LRCH1: variants seen among roughly 807,000 people sequenced by gnomAD.
LRCH1 encodes leucine rich repeats and calponin homology domain containing 1, also known as leucine-rich repeat and calponin homology domain-containing protein 1.
Under a neutral mutation model 94.9 loss-of-function variants are expected in LRCH1, and 23 were observed. The ratio of observed to expected loss-of-function variants is 0.24; its 90% CI spans 0.17 to 0.34. The LOEUF (loss-of-function observed/expected upper bound fraction) is 0.34. LRCH1 is among the 10% of genes least tolerant of loss of function. The pLI is 1.00. For synonymous variants in LRCH1, 364 were observed against 354.9 expected (o/e 1.03, Z -0.29); for missense variants, 790 against 945.9 (o/e 0.84, Z 2.16).
chr13:46,723,661 G>A (rs7988835), intron 17 of LRCH1, among the ~76,000 whole-genome samples: 35,697 of 152,014 alleles, frequency 0.23, 4,342 homozygotes, highest in African/African-American at 0.3. Flanking sequence ...TTAGCTGGGC[G>A]TGGTGGCGTA....
chr13:46,677,310 T>A (rs1044256708), intron 3 of LRCH1, among the ~76,000 whole-genome samples: 1 of 145,652 alleles, frequency 6.9e-6, no homozygotes, highest in Admixed American at 6.8e-5. Flanking sequence ...ACACCTGTAA[T>A]CTCAGCTACC....
At chr13:46,687,622 C>G (rs1870690350) in intron 5 of LRCH1, among the ~76,000 whole-genome samples, 1 of 151,940 alleles carries the variant, frequency 6.6e-6, no homozygotes, top group African/African-American at 2.4e-5. Context: ...TAGTTTAATG[C>G]AAGAAAAAAT....
chr13:46,656,328 T>G (rs1438451051), intron 2 of LRCH1, among the ~76,000 whole-genome samples: 1 of 152,224 alleles, frequency 6.6e-6, no homozygotes, highest in Non-Finnish European at 1.5e-5. Context: ...AGGCTAGTGT[T>G]TCTTCTCTCT....
At chr13:46,644,800 A>G (rs1425774174) in intron 1 of LRCH1, among the ~76,000 whole-genome samples, 1 of 152,270 alleles carries the variant, frequency 6.6e-6, no homozygotes, top group Non-Finnish European at 1.5e-5. Context: ...TTATGAATGT[A>G]TAATGTGTAG....
At chr13:46,629,217 C>T (rs1224330162) in intron 1 of LRCH1, among the ~76,000 whole-genome samples, 1 of 152,252 alleles carries the variant, frequency 6.6e-6, no homozygotes, top group East Asian at 1.9e-4. Context: ...AGCATAGAGG[C>T]CTCTGTGGGG....
At chr13:46,659,775 G>A (rs1368784976) in intron 2 of LRCH1, among the ~76,000 whole-genome samples, 1 of 152,000 alleles carries the variant, frequency 6.6e-6, no homozygotes. Flanking sequence ...TGATCTTCAG[G>A]GAATTTAAGT....
At chr13:46,592,601 G>T (rs909020017) in intron 1 of LRCH1, among the ~76,000 whole-genome samples, 30 of 152,214 alleles carry the variant, frequency 2.0e-4, no homozygotes, top group South Asian at 4.1e-4. Context: ...TGTAAAATGA[G>T]ATTAAATTGG....
intron 1 of LRCH1, among the ~76,000 whole-genome samples, chr13:46,593,308 T>A (rs796182937): frequency 2.1e-4 from 31 of 150,632 alleles, no homozygotes; most frequent in African/African-American, 6.8e-4. Context: ...TTTTGTCCAT[T>A]TGACATCTGA....
chr13:46,593,328 T>C (rs1361471342), intron 1 of LRCH1, among the ~76,000 whole-genome samples: 1 of 148,740 alleles, frequency 6.7e-6, no homozygotes, highest in Non-Finnish European at 1.5e-5. Context: ...AATCCTGAAT[T>C]GACTAGACAA....
intron 2 of LRCH1, among the ~76,000 whole-genome samples, chr13:46,659,971 C>A (rs2051423509): frequency 6.6e-6 from 1 of 150,702 alleles, no homozygotes; most frequent in African/African-American, 2.4e-5. Context: ...GGAGTCCTTT[C>A]ATTCCACCTT....
intron 1 of LRCH1, among the ~76,000 whole-genome samples, chr13:46,569,284 C>T (rs937085230): frequency 1.3e-5 from 2 of 152,214 alleles, no homozygotes; most frequent in Non-Finnish European, 2.9e-5. Flanking sequence ...ACTTTGCAGA[C>T]ACGATCTTAT....
chr13:46,566,401 T>C (rs2050184736), intron 1 of LRCH1, among the ~76,000 whole-genome samples: 1 of 152,198 alleles, frequency 6.6e-6, no homozygotes, highest in African/African-American at 2.4e-5. Context: ...TGTCATAGCT[T>C]CAACATCTCC....
At chr13:46,576,351 A>G (rs1053617173) in intron 1 of LRCH1, among the ~76,000 whole-genome samples, 2 of 152,164 alleles carry the variant, frequency 1.3e-5, no homozygotes, top group Non-Finnish European at 2.9e-5. Flanking sequence ...TTGGGAAAAA[A>G]CTTGTTAGAA....
chr13:46,614,220 C>T (rs2050779996), intron 1 of LRCH1, among the ~76,000 whole-genome samples: 1 of 151,974 alleles, frequency 6.6e-6, no homozygotes. Context: ...TTTTTTCATC[C>T]AAGATAACTG....
intron 1 of LRCH1, among the ~76,000 whole-genome samples, chr13:46,648,498 G>A (rs1364394579): frequency 2.6e-5 from 4 of 152,034 alleles, no homozygotes; most frequent in Admixed American, 2.0e-4. Flanking sequence ...ATATCCAGGC[G>A]AGCTCATCCT....
At chr13:46,654,631 A>ACACCGAC (rs1393366251) in intron 2 of LRCH1, among the ~76,000 whole-genome samples, 1 of 152,214 alleles carries the variant, frequency 6.6e-6, no homozygotes, top group East Asian at 1.9e-4. Flanking sequence ...CATTATCATT[A>ACACCGAC]ATTTTGATGT....
Position 46,706,176 on chromosome 13 carries a change from G to A in LRCH1, c.1527+872G>A, listed in dbSNP as rs80046395. ...AGAGAGTGTGGTTTCATTGTTAAGC[G>A]CAGCGACTTGGAATTATATTAGGTA... is the stretch of plus-strand genomic sequence containing the variant. On this transcript the variant is annotated intron_variant, in intron 13 of 19. Transcript: ENST00000389797. Among the ~76,000 whole-genome samples the A allele has an allele frequency of 9.6e-3, 1,464 of 152,306 alleles. 17 individuals are homozygous for A. The highest frequency in any genetic ancestry group is 0.033 in the African/African-American group (1,363 of 41,568).
chr13:46,554,041 G>A (rs1012760712), intron 1 of LRCH1, among the ~76,000 whole-genome samples: 4 of 152,232 alleles, frequency 2.6e-5, no homozygotes, highest in African/African-American at 7.2e-5. Flanking sequence ...CCGCGTGCGC[G>A]CAGTGTAAGT....
chr13:46,576,186 A>T (rs1304201062), intron 1 of LRCH1, among the ~76,000 whole-genome samples: 1 of 152,138 alleles, frequency 6.6e-6, no homozygotes, highest in African/African-American at 2.4e-5. Flanking sequence ...CATGTAACTT[A>T]TGGGGCAGTC....
Sources: allele counts gnomAD v4.1 joint callset (sites outside exome capture counted in the v4.1 genomes callset), GRCh38; gene constraint gnomAD v4.1.1; transcripts MANE v1.5; gene names NCBI Gene and HGNC (gene_info 2026-07-23, HGNC 2026-07-21).